The following SLC1A6 variants were observed in gnomAD, a reference collection of about 807,000 sequenced individuals.
The protein encoded by SLC1A6 is solute carrier family 1 member 6, also known as excitatory amino acid transporter 4.
SLC1A6 carries 15 observed loss-of-function variants against 42.1 expected under a neutral mutation model. The ratio of observed to expected loss-of-function variants is 0.36; its 90% CI spans 0.24 to 0.55. SLC1A6 has a LOEUF of 0.55. Among genes scored for constraint, SLC1A6 ranks in the 20% least tolerant of loss-of-function variants. The pLI is 0.88. For missense variants in SLC1A6, 542 were observed against 772.5 expected (o/e 0.70, Z 3.54); for synonymous variants, 317 against 319.7 (o/e 0.99, Z 0.09).
intron 1 of SLC1A6, among the ~76,000 whole-genome samples, chr19:15,005,803 T>C (rs1296267379): frequency 6.6e-6 from 1 of 152,224 alleles, no homozygotes; most frequent in African/African-American, 2.4e-5. Context: ...ATAGCCCTAA[T>C]GCATTTCACC....
chr19:14,974,265 G>C (rs1268283953), intron 1 of SLC1A6: 1 of 152,076 alleles, frequency 6.6e-6, no homozygotes, highest in Non-Finnish European at 1.5e-5. Flanking sequence ...GCTGAGGCAA[G>C]AGAATCACTT....
intron 7 of SLC1A6, among the ~76,000 whole-genome samples, chr19:14,956,133 C>T (rs1274338430): frequency 6.6e-6 from 1 of 151,872 alleles, no homozygotes; most frequent in African/African-American, 2.4e-5. Context: ...GAAGCAGCAG[C>T]CAAGAGATCT....
At chr19:14,982,639 T>C (rs2045773811), upstream of SLC1A6, among the ~76,000 whole-genome samples, 1 of 152,224 alleles carries the variant, frequency 6.6e-6, no homozygotes, top group Non-Finnish European at 1.5e-5. Context: ...TGAAATATAT[T>C]AATAACAAGT....
upstream of SLC1A6, among the ~76,000 whole-genome samples, chr19:14,983,998 G>C (rs1043562512): frequency 1.3e-5 from 2 of 152,064 alleles, no homozygotes; most frequent in Admixed American, 6.6e-5. Flanking sequence ...TTTAGTATTT[G>C]CTACTTCAGT....
intron 1 of SLC1A6, among the ~76,000 whole-genome samples, chr19:15,006,652 G>A (rs748088401): frequency 2.0e-5 from 3 of 151,536 alleles, no homozygotes; most frequent in East Asian, 1.9e-4. Flanking sequence ...GGACAGGCAC[G>A]GTGGCTCATG....
intron 1 of SLC1A6, among the ~76,000 whole-genome samples, chr19:15,003,748 G>A (rs939233539): frequency 6.6e-6 from 1 of 151,732 alleles, no homozygotes; most frequent in Admixed American, 6.6e-5. Flanking sequence ...AATTTCACTC[G>A]ATTTCGCCCA....
chr19:14,953,208 C>T (rs2145163586), intron 8 of SLC1A6, 146 bp from the exon 9 acceptor site: 1 of 635,924 alleles, frequency 1.6e-6, no homozygotes, highest in South Asian at 2.1e-5. Context: ...GAGAAAAATA[C>T]TGCTTGATGC....
At chr19:14,957,427 G>T (rs891758904) in intron 6 of SLC1A6, among the ~76,000 whole-genome samples, 3 of 152,130 alleles carry the variant, frequency 2.0e-5, no homozygotes, top group African/African-American at 7.2e-5. Context: ...GGTCATGAGG[G>T]TAGAGCCATC....
At chr19:15,000,509 C>T (rs1031609973) in intron 1 of SLC1A6, among the ~76,000 whole-genome samples, 1 of 152,178 alleles carries the variant, frequency 6.6e-6, no homozygotes, top group Admixed American at 6.5e-5. Context: ...CTAATGTCCT[C>T]CAGCTTCATC....
chr19:14,952,283 A>C (rs1208967567), intron 9 of SLC1A6, among the ~76,000 whole-genome samples: 1 of 151,610 alleles, frequency 6.6e-6, no homozygotes, highest in Non-Finnish European at 1.5e-5. Flanking sequence ...CAAAAAAAAA[A>C]AAAATAACAA....
chr19:14,962,986 AAG>A (rs2045532669), intron 5 of SLC1A6, among the ~76,000 whole-genome samples: 1 of 152,172 alleles, frequency 6.6e-6, no homozygotes, highest in African/African-American at 2.4e-5. Flanking sequence ...CAGTATCTCA[AAG>A]AGATATCTGC....
upstream of SLC1A6, among the ~76,000 whole-genome samples, chr19:14,980,654 CAAA>C (rs35361239): frequency 7.2e-5 from 9 of 125,398 alleles, no homozygotes; most frequent in Admixed American, 1.6e-4. Flanking sequence ...GAGACTCCGT[CAAA>C]AAAAAAAAAA....
At chr19:14,960,933 T>TC (rs1456604049) in intron 6 of SLC1A6, among the ~76,000 whole-genome samples, 1 of 150,380 alleles carries the variant, frequency 6.6e-6, no homozygotes, top group Non-Finnish European at 1.5e-5. Flanking sequence ...TCTCTCCCTT[T>TC]TTTTTTTTTT....
At chr19:14,982,120 G>T (rs1202455042), upstream of SLC1A6, among the ~76,000 whole-genome samples, 1 of 151,992 alleles carries the variant, frequency 6.6e-6, no homozygotes, top group Non-Finnish European at 1.5e-5. Context: ...TGTCACAGCC[G>T]AGAGGAGTCT....
chr19:14,977,907 TCTTA>T (rs2045729036), intron 1 of SLC1A6: 1 of 152,228 alleles, frequency 6.6e-6, no homozygotes, highest in South Asian at 2.1e-4. Flanking sequence ...TGTGAGAATG[TCTTA>T]CTATCAATTT....
At chr19:14,993,781 T>C (rs1320927375) in intron 1 of SLC1A6, among the ~76,000 whole-genome samples, 1 of 152,194 alleles carries the variant, frequency 6.6e-6, no homozygotes, top group East Asian at 1.9e-4. Context: ...TATAAGGTGG[T>C]GCTCCTTCAG....
rs61045284 is a variant in SLC1A6 at position 14,999,711 on chromosome 19, A to G, written c.6+10774T>C. ...CCAACTTACAATGGTTCAACTTGTG[A>G]TTTTTTTACTCTACCGTGGGGCAAA... On this transcript the variant is annotated intron_variant, in intron 1 of 8. Transcript: ENST00000430939. Among the ~76,000 whole-genome samples the G allele has an allele frequency of 4.4e-3, 676 of 152,228 alleles. 17 individuals are homozygous for G. The East Asian group carries it at 0.062, about 14-fold the overall frequency.
chr19:15,000,114 G>C (rs775499308), intron 1 of SLC1A6, among the ~76,000 whole-genome samples: 9 of 151,266 alleles, frequency 5.9e-5, no homozygotes, highest in Non-Finnish European at 1.3e-4. Context: ...CTAGGCTAAT[G>C]TAAGTGTTCT....
intron 1 of SLC1A6, among the ~76,000 whole-genome samples, chr19:15,005,016 T>C (rs2045889407): frequency 1.3e-5 from 2 of 152,204 alleles, no homozygotes; most frequent in South Asian, 4.1e-4. Flanking sequence ...CCCAGAGCTT[T>C]GGTAGGCCAA....
Sources: gnomAD v4.1 joint callset for allele counts (sites outside exome capture counted in the v4.1 genomes callset) on GRCh38, gnomAD v4.1.1 for gene constraint, MANE v1.5 for transcripts, NCBI Gene and HGNC (gene_info 2026-07-23, HGNC 2026-07-21) for gene names.